Variants in UTP4 observed in about 807,000 individuals in gnomAD.
The protein encoded by UTP4 is U3 small nucleolar RNA-associated protein 4 homolog.
In UTP4, 45 loss-of-function variants were observed where a neutral mutation model predicts 82.4. The observed-to-expected ratio is 0.55, with a 90% CI of 0.43 to 0.70. UTP4 has a LOEUF of 0.70. Among genes scored for constraint, UTP4 ranks in the 30% least tolerant of loss-of-function variants. The pLI, the probability that UTP4 is intolerant of heterozygous loss-of-function variation, is 0.00. For synonymous variants in UTP4, 348 were observed against 300.3 expected (o/e 1.16, Z -1.64); for missense variants, 819 against 858.3 (o/e 0.95, Z 0.57).
chr16:69,150,735 T>G (rs924030518), intron 7 of UTP4, 27 bp downstream of exon 7: 4 of 1,613,936 alleles, frequency 2.5e-6, no homozygotes, highest in Non-Finnish European at 3.4e-6. Context: ...GTGAGGCTGC[T>G]GCTTTACCCT....
chr16:69,164,763 C>T (rs945722420), intron 14 of UTP4, among the ~76,000 whole-genome samples: 5 of 151,856 alleles, frequency 3.3e-5, no homozygotes, highest in Admixed American at 2.6e-4. Flanking sequence ...GATACATGGA[C>T]AAAATGAGTG....
Position 69,165,385 on chromosome 16 carries a change from C to A in UTP4, c.1692C>A (p.Ser564Arg). Residue 564 changes from serine to arginine, a missense_variant, in exon 15 of 17, where the codon AGC becomes AGA. Transcript: ENST00000314423. ...CAGACAAACAGTATACAGATTGGAG[C>A]CGGACTGTCCAGAAGCAGGGCTTTC... is the stretch of plus-strand genomic sequence containing the variant. ...SIPDKQYTDW[S>R]RTVQKQGFHH... The A allele has an allele frequency of 6.2e-7, 1 of 1,614,064 alleles. No homozygotes were observed. The highest frequency in any genetic ancestry group is 8.5e-7 in the Non-Finnish European group (1 of 1,179,998).
intron 5 of UTP4, among the ~76,000 whole-genome samples, chr16:69,141,759 T>C (rs1171562706): frequency 6.6e-6 from 1 of 151,748 alleles, no homozygotes; most frequent in Non-Finnish European, 1.5e-5. Flanking sequence ...GTTCTTTTTT[T>C]TCGTGAATCT....
intron 5 of UTP4, among the ~76,000 whole-genome samples, chr16:69,142,720 T>C (rs575961446): frequency 6.6e-6 from 1 of 152,320 alleles, no homozygotes; most frequent in African/African-American, 2.4e-5. Context: ...CACTGATCTC[T>C]CCCTTTCCTG....
chr16:69,154,972 G>A (rs1431556447), intron 10 of UTP4, among the ~76,000 whole-genome samples: 2 of 151,924 alleles, frequency 1.3e-5, no homozygotes, highest in African/African-American at 4.8e-5. Flanking sequence ...CGCCCGCCTT[G>A]GCCTCCCAAA....
intron 5 of UTP4, among the ~76,000 whole-genome samples, chr16:69,140,538 A>G (rs1411999071): frequency 6.6e-6 from 1 of 152,118 alleles, no homozygotes; most frequent in Non-Finnish European, 1.5e-5. Flanking sequence ...CAACATGGAG[A>G]AACCCTGTCT....
chr16:69,163,118 G>A lies in UTP4; in HGVS notation c.1587G>A (p.Val529=). 1.9e-6 allele frequency: 3 copies of A among 1,614,122 alleles called. No individual in the cohort carries two copies. Among genetic ancestry groups the A allele is most frequent in the African/African-American group, 2.7e-5 (2 of 75,040 alleles). The change falls in exon 14 of 17, where the codon GTG becomes GTA. Residue 529 remains valine (V), a synonymous_variant. Coordinates refer to ENST00000314423, the MANE Select transcript of UTP4 (RefSeq NM_032830.3). ...HCTVPAYNFP[V]TAMAIAPNTN... is the part of the protein sequence containing the mutation. ...CGGTGCCTGCTTACAATTTCCCAGT[G>A]ACTGCTATGGCTATTGCCCCCAATA...
At chr16:69,150,930 T>A in intron 8 of UTP4, 26 bp downstream of exon 8, 1 of 1,540,306 alleles carries the variant, frequency 6.5e-7, no homozygotes, top group Non-Finnish European at 9.0e-7. Context: ...AAGCCCCTGC[T>A]AACCCCTCAT....
intron 4 of UTP4, 170 bp downstream of exon 4, chr16:69,138,055 A>G (rs1354307519): frequency 4.7e-5 from 29 of 612,846 alleles, no homozygotes; most frequent in Middle Eastern, 2.8e-4. Flanking sequence ...CCCATTGTAT[A>G]GCATAGTTGT....
chr16:69,149,988 A>G (rs1963217661), intron 6 of UTP4, among the ~76,000 whole-genome samples: 1 of 152,168 alleles, frequency 6.6e-6, no homozygotes, highest in Non-Finnish European at 1.5e-5. Context: ...TCAGCTTCTC[A>G]AAGTGCTGGG....
intron 6 of UTP4, among the ~76,000 whole-genome samples, chr16:69,147,464 C>T (rs928791511): frequency 1.1e-4 from 17 of 152,052 alleles, no homozygotes; most frequent in South Asian, 2.1e-4. Context: ...GAGATCACCC[C>T]GCTGCACTCC....
rs1167436047 is a variant in UTP4, at chr16:69,157,245, G to A, written c.1444+5G>A. ...ATGCTTTCCAGCCTCAGTCAGGTGG[G>A]AATCTGGTAACTGGCCATGGGGAGA... On this transcript the variant is annotated splice_donor_5th_base_variant and intron_variant, in intron 12 of 16. Transcript: ENST00000314423. 2 of 1,613,714 alleles carry A rather than the reference G, an allele frequency of 1.2e-6. No individual in the cohort carries two copies. The highest frequency in any genetic ancestry group is 1.7e-6 in the Non-Finnish European group (2 of 1,179,922).
At chr16:69,166,995 C>A in intron 15 of UTP4, 80 bp from the exon 16 acceptor site, 2 of 940,266 alleles carry the variant, frequency 2.1e-6, no homozygotes, top group Non-Finnish European at 3.5e-6. Flanking sequence ...TGATGTTGGG[C>A]TCAAAATGCA....
At chr16:69,156,752 C>T (rs1357174714) in intron 11 of UTP4, among the ~76,000 whole-genome samples, 3 of 152,190 alleles carry the variant, frequency 2.0e-5, no homozygotes, top group African/African-American at 7.2e-5. Flanking sequence ...ACACTGCGCC[C>T]GGCCCACACC....
Position 69,163,111 on chromosome 16 carries a change from T to G in UTP4, c.1580T>G (p.Phe527Cys). Residue 527 changes from phenylalanine (F) to cysteine (C), a missense_variant, in exon 14 of 17, where the codon TTC becomes TGC. Physicochemically the swap from Phe to Cys is radical, Grantham distance 205 (BLOSUM62 -2). Coordinates refer to ENST00000314423, the MANE Select transcript of UTP4 (RefSeq NM_032830.3). The stretch of plus-strand genomic sequence containing the variant: ...CACTGCACGGTGCCTGCTTACAATT[T>G]CCCAGTGACTGCTATGGCTATTGCC... Reference protein sequence around the residue: ...KLHCTVPAYNFPVTAMAIAPN... With the variant: ...KLHCTVPAYNCPVTAMAIAPN... 1 of 1,614,132 alleles carries G rather than the reference T, an allele frequency of 6.2e-7. No homozygotes were observed. Among genetic ancestry groups the G allele is most frequent in the Non-Finnish European group, 8.5e-7 (1 of 1,179,992 alleles).
chr16:69,143,593 G>A (rs760743461), intron 6 of UTP4, among the ~76,000 whole-genome samples: 1 of 152,218 alleles, frequency 6.6e-6, no homozygotes, highest in Non-Finnish European at 1.5e-5. Context: ...TACTCCAAGA[G>A]ATTAGTTAGC....
rs1278139364 is a variant in UTP4, at chr16:69,136,902, A to G, written c.351+15A>G. ...CTCAACTTTTGGTTAGTAAGCAACTATTGGTAATTCAAACCAAAATTTCTC... is the reference window on the plus strand; with the variant it reads ...CTCAACTTTTGGTTAGTAAGCAACTGTTGGTAATTCAAACCAAAATTTCTC... On this transcript the variant is annotated intron_variant, in intron 3 of 16. Transcript: ENST00000314423. 4.3e-6 allele frequency: 7 copies of G among 1,613,420 alleles called. No individual in the cohort carries two copies. In the African/African-American group the frequency reaches 5.3e-5, roughly 12 times the overall value.
At chr16:69,133,725 C>T in intron 2 of UTP4, 107 bp downstream of exon 2, 1 of 1,189,212 alleles carries the variant, frequency 8.4e-7, no homozygotes, top group Non-Finnish European at 1.2e-6. Flanking sequence ...CTTCCTAGCC[C>T]CTCTGAAGTT....
chr16:69,158,178 T>TC (rs1363776948), intron 12 of UTP4, among the ~76,000 whole-genome samples: 2 of 128,028 alleles, frequency 1.6e-5, no homozygotes, highest in East Asian at 2.2e-4. Flanking sequence ...TTTTTTTTTT[T>TC]TTTTTTTTTT....
Sources: allele counts gnomAD v4.1 joint callset (sites outside exome capture counted in the v4.1 genomes callset), GRCh38; gene constraint gnomAD v4.1.1; transcripts MANE v1.5; gene names NCBI Gene and HGNC (gene_info 2026-07-23, HGNC 2026-07-21).